The following LSM14B variants were observed in gnomAD, a reference collection of about 807,000 sequenced individuals.
LSM14B encodes LSM family member 14B.
LSM14B carries 8 observed loss-of-function variants against 42.1 expected under a neutral mutation model. That is an observed-to-expected ratio of 0.19 (90% CI 0.11 to 0.34). The LOEUF (loss-of-function observed/expected upper bound fraction) is 0.34, where lower values mean the gene tolerates loss of function less well. Among genes scored for constraint, LSM14B ranks in the 10% least tolerant of loss-of-function variants. The pLI is 1.00. For synonymous variants in LSM14B, 219 were observed against 209.7 expected (o/e 1.04, Z -0.38); for missense variants, 396 against 513.1 (o/e 0.77, Z 2.21).
intron 3 of LSM14B, chr20:62,128,103 A>G (rs2145614106): frequency 2.2e-6 from 1 of 461,744 alleles, no homozygotes; most frequent in Non-Finnish European, 4.0e-6. Flanking sequence ...TGGTTCATAG[A>G]TCACTCATTG....
chr20:62,130,443 G>A lies in LSM14B; in HGVS notation c.674-87G>A. ...GTGCTCTGTTCCTTCTGTGGCCTTG[G>A]GGGTGTGCCTGGAAATTCCTTGTGA... is the stretch of plus-strand genomic sequence containing the variant. On this transcript the variant is annotated intron_variant, in intron 5 of 8. Coordinates refer to ENST00000279068, the MANE Select transcript of LSM14B (RefSeq NM_144703.3). This position sits in a 1 kb window ranked among gnomAD's most constrained non-coding sequence, Gnocchi z 4.1. The A allele has an allele frequency of 6.4e-7, 1 of 1,554,836 alleles. No homozygotes were observed. The highest frequency in any genetic ancestry group is 8.7e-7 in the Non-Finnish European group (1 of 1,146,076).
chr20:62,133,620 C>A, intron 8 of LSM14B, 145 bp downstream of exon 8: 2 of 915,836 alleles, frequency 2.2e-6, no homozygotes, highest in Non-Finnish European at 1.6e-6. Flanking sequence ...GGGCCTCGAC[C>A]CTATGAGTCA....
intron 7 of LSM14B, 124 bp from the exon 8 acceptor site, chr20:62,133,166 G>A (rs563335092): frequency 6.0e-5 from 73 of 1,217,788 alleles, no homozygotes; most frequent in Admixed American, 6.0e-4. Flanking sequence ...TGACGGGGCC[G>A]CCCCTTCCCT....
chr20:62,130,287 A>C lies in LSM14B; in HGVS notation c.664A>C (p.Arg222=), dbSNP rs1017110064. The part of the protein sequence containing the change: ...VNDENRRPQR[R]RSGNRRTRNR... ...TGACGAGAACAGAAGACCTCAGAGGAGGCGATCAGGTAACACCTGTTGCCA... is the reference window on the plus strand; with the variant it reads ...TGACGAGAACAGAAGACCTCAGAGGCGGCGATCAGGTAACACCTGTTGCCA... Residue 222 remains arginine (R), a synonymous_variant, in exon 5 of 9, where the codon AGG becomes CGG. Transcript: ENST00000279068. The surrounding 1 kb of genome is among the most constrained non-coding windows in gnomAD (Gnocchi z 4.1). 1.9e-6 allele frequency: 3 copies of C among 1,595,252 alleles called. No individual in the cohort carries two copies. Among genetic ancestry groups the C allele is most frequent in the East Asian group, 2.3e-5 (1 of 43,886 alleles).
At position 62,130,154 on chromosome 20, in the gene LSM14B, A is replaced by T. The variant is rs1432888023; in HGVS notation, c.596-65A>T. The T allele has an allele frequency of 1.3e-6, 2 of 1,544,708 alleles. No individual in the cohort carries two copies. The highest frequency in any genetic ancestry group is 4.9e-5 in the East Asian group (2 of 40,906). On this transcript the variant is annotated intron_variant, in intron 4 of 8. Transcript: ENST00000279068. The surrounding 1 kb of genome is among the most constrained non-coding windows in gnomAD (Gnocchi z 4.1). ...CCCCATGGTGGTGGGGCCTGCTTCC[A>T]CAGCTGGGTTCTGGCTTCCGGCTGC...
chr20:62,132,111 G>A (rs1339398247), intron 7 of LSM14B, among the ~76,000 whole-genome samples: 1 of 152,262 alleles, frequency 6.6e-6, no homozygotes, highest in Non-Finnish European at 1.5e-5. Flanking sequence ...AAGGCAGGCT[G>A]GAGAGCGCCA....
Position 62,122,913 on chromosome 20 carries a change from C to G in LSM14B, c.127+120C>G. ...GCGCCCAGACCCCGCCCAGAACCCA[C>G]CCAGGGCACACCCGGCCCGAGATCC... is the stretch of plus-strand genomic sequence containing the variant. On this transcript the variant is annotated intron_variant, in intron 1 of 8. Coordinates refer to ENST00000279068, the MANE Select transcript of LSM14B (RefSeq NM_144703.3). The surrounding 1 kb of genome is among the most constrained non-coding windows in gnomAD (Gnocchi z 4.6). 1.1e-6 allele frequency: 1 copy of G among 926,126 alleles called. No homozygotes were observed. Among genetic ancestry groups the G allele is most frequent in the Non-Finnish European group, 1.4e-6 (1 of 716,190 alleles). 57.4% of individuals were successfully genotyped at this position (926,126 alleles called of 1,614,324 possible).
chr20:62,122,840 A>AGCCCCGGCCTGCGGTGCCC lies in LSM14B; in HGVS notation c.127+48_127+66dup. Reference sequence around the variant, plus strand: ...AGCCCGCTGACCCCCGTCCGCCAACAGCCCCGGCCTGCGGTGCCCTCCCCG... The same window carrying AGCCCCGGCCTGCGGTGCCC: ...AGCCCGCTGACCCCCGTCCGCCAACAGCCCCGGCCTGCGGTGCCCGCCCCGGCCTGCGGTGCCCTCCCCG... On this transcript the variant is annotated intron_variant, in intron 1 of 8. Transcript: ENST00000279068. The surrounding 1 kb of genome is among the most constrained non-coding windows in gnomAD (Gnocchi z 4.6). 1 of 1,422,460 alleles carries AGCCCCGGCCTGCGGTGCCC rather than the reference A, an allele frequency of 7.0e-7. No homozygotes were observed. Among genetic ancestry groups the AGCCCCGGCCTGCGGTGCCC allele is most frequent in the Non-Finnish European group, 9.3e-7 (1 of 1,071,848 alleles). The allele number at this position is 1,422,460 out of a possible 1,614,324, so 88.1% of individuals were successfully genotyped here.
intron 7 of LSM14B, among the ~76,000 whole-genome samples, chr20:62,132,917 G>A (rs1204705337): frequency 3.3e-5 from 5 of 152,132 alleles, no homozygotes; most frequent in African/African-American, 9.7e-5. Context: ...CCTCCTCCTT[G>A]TCTAGGAGGG....
chr20:62,124,890 T>TC, intron 2 of LSM14B, 110 bp downstream of exon 2: 2 of 1,251,674 alleles, frequency 1.6e-6, no homozygotes, highest in Non-Finnish European at 2.1e-6. Context: ...ACCTTTTTTT[T>TC]TTTTTCTTTG....
chr20:62,127,006 A>G (rs1268204471), intron 3 of LSM14B, among the ~76,000 whole-genome samples: 1 of 152,094 alleles, frequency 6.6e-6, no homozygotes, highest in Non-Finnish European at 1.5e-5. Context: ...CAAAAAATAA[A>G]TAGGTGGAAG....
rs1317534075 is a variant in LSM14B at position 62,130,074 on chromosome 20, C to CT, written c.595+126dup. 1 of 1,416,124 alleles carries CT rather than the reference C, an allele frequency of 7.1e-7. No homozygotes were observed. The highest frequency in any genetic ancestry group is 9.5e-7 in the Non-Finnish European group (1 of 1,056,768). The allele number at this position is 1,416,124 out of a possible 1,614,324, so 87.7% of individuals were successfully genotyped here. ...ACTCCCCCATCCTAAGCCCCATGTG[C>CT]TTTTGCAGGGCAGGCCTGTGCAGCA... On this transcript the variant is annotated intron_variant, in intron 4 of 8. Coordinates refer to ENST00000279068, the MANE Select transcript of LSM14B (RefSeq NM_144703.3). The surrounding 1 kb of genome is among the most constrained non-coding windows in gnomAD (Gnocchi z 4.1).
chr20:62,122,925 C>A lies in LSM14B; in HGVS notation c.127+132C>A. 1.2e-6 allele frequency: 1 copy of A among 805,180 alleles called. No individual in the cohort carries two copies. Among genetic ancestry groups the A allele is most frequent in the Non-Finnish European group, 1.6e-6 (1 of 612,248 alleles). 49.9% of individuals were successfully genotyped at this position (805,180 alleles called of 1,614,324 possible). ...CGCCCAGAACCCACCCAGGGCACAC[C>A]CGGCCCGAGATCCCCTGCCCGCGCC... On this transcript the variant is annotated intron_variant, in intron 1 of 8. Transcript: ENST00000279068. This position sits in a 1 kb window ranked among gnomAD's most constrained non-coding sequence, Gnocchi z 4.6.
At chr20:62,131,556 A>G in intron 7 of LSM14B, 50 bp downstream of exon 7, 1 of 1,601,692 alleles carries the variant, frequency 6.2e-7, no homozygotes, top group Non-Finnish European at 8.5e-7. Context: ...TCTAGAAAGG[A>G]CAGGGCTGAG....
chr20:62,129,173 G>A (rs1219377029), intron 3 of LSM14B: 1 of 359,512 alleles, frequency 2.8e-6, no homozygotes. Flanking sequence ...GTGTCTTCAT[G>A]ATGAGCCTTT....
At chr20:62,133,544 G>C (rs1475648523) in intron 8 of LSM14B, 69 bp downstream of exon 8, 3 of 1,519,992 alleles carry the variant, frequency 2.0e-6, no homozygotes, top group Non-Finnish European at 2.6e-6. Flanking sequence ...GAGAGCTTAG[G>C]AAGGTGGGGA....
intron 2 of LSM14B, 118 bp downstream of exon 2, chr20:62,124,898 T>C (rs544631219): frequency 2.8e-6 from 3 of 1,082,270 alleles, no homozygotes; most frequent in East Asian, 2.8e-5. Context: ...TTTTTTTTCT[T>C]TGAGGCAGCG....
At chr20:62,126,208 ACGGTGCTTGTTTCC>A (rs1349756240) in intron 2 of LSM14B, 82 bp from the exon 3 acceptor site, 1 of 1,576,928 alleles carries the variant, frequency 6.3e-7, no homozygotes, top group Non-Finnish European at 8.6e-7. Context: ...GGCTGATGGG[ACGGTGCTTGTTTCC>A]CAGCTGAACA....
intron 3 of LSM14B, chr20:62,127,594 T>C (rs1393844862): frequency 6.4e-7 from 1 of 1,550,722 alleles, no homozygotes; most frequent in East Asian, 2.4e-5. Context: ...GAGAAGTTGG[T>C]AAGCCCTCCA....
Sources: gnomAD v4.1 joint callset for allele counts (sites outside exome capture counted in the v4.1 genomes callset) on GRCh38, gnomAD v4.1.1 for gene constraint, Gnocchi (gnomAD v3.1) non-coding constraint, MANE v1.5 for transcripts, NCBI Gene and HGNC (gene_info 2026-07-23, HGNC 2026-07-21) for gene names.